Variants in EYA1 observed in about 807,000 individuals in gnomAD.
The protein encoded by EYA1 is EYA transcriptional coactivator and phosphatase 1.
EYA1 carries 16 observed loss-of-function variants against 82.0 expected under a neutral mutation model. The observed-to-expected ratio is 0.20, with a 90% CI of 0.13 to 0.30. The LOEUF (loss-of-function observed/expected upper bound fraction) is 0.30. Among genes scored for constraint, EYA1 ranks in the 10% least tolerant of loss-of-function variants. The pLI is 1.00. For synonymous variants in EYA1, 261 were observed against 264.4 expected (o/e 0.99, Z 0.12); for missense variants, 633 against 730.7 (o/e 0.87, Z 1.54).
chr8:71,277,476 A>T (rs1218442157), intron 9 of EYA1, among the ~76,000 whole-genome samples: 1 of 151,918 alleles, frequency 6.6e-6, no homozygotes, highest in Non-Finnish European at 1.5e-5. Context: ...TCAACTCCTT[A>T]CCCTCTCCGC....
chr8:71,339,695 G>A (rs1824905913), intron 3 of EYA1, among the ~76,000 whole-genome samples: 1 of 152,116 alleles, frequency 6.6e-6, no homozygotes, highest in African/African-American at 2.4e-5. Flanking sequence ...CTTTCCTTGA[G>A]CAGGGTTTAA....
At chr8:71,401,637 C>A (rs1829963754) in intron 2 of EYA1, among the ~76,000 whole-genome samples, 1 of 152,274 alleles carries the variant, frequency 6.6e-6, no homozygotes, top group South Asian at 2.1e-4. Flanking sequence ...GTTTACTCAA[C>A]CTCTCCATTG....
chr8:71,340,984 T>C (rs761691150), intron 3 of EYA1, among the ~76,000 whole-genome samples: 1 of 152,208 alleles, frequency 6.6e-6, no homozygotes, highest in Non-Finnish European at 1.5e-5. Flanking sequence ...GTTTATTCCC[T>C]CCAAATCATC....
At chr8:71,374,003 T>C (rs1828226429) in intron 2 of EYA1, among the ~76,000 whole-genome samples, 1 of 151,964 alleles carries the variant, frequency 6.6e-6, no homozygotes, top group Non-Finnish European at 1.5e-5. Context: ...GGATTAAAGA[T>C]CTAAATGTAA....
intron 2 of EYA1, among the ~76,000 whole-genome samples, chr8:71,412,947 G>C (rs564456889): frequency 6.6e-6 from 1 of 152,158 alleles, no homozygotes; most frequent in Admixed American, 6.6e-5. Context: ...AGCTGTGCTA[G>C]GATAGGGAGT....
At chr8:71,544,104 G>T (rs1815363876) in intron 1 of EYA1, among the ~76,000 whole-genome samples, 1 of 152,122 alleles carries the variant, frequency 6.6e-6, no homozygotes, top group African/African-American at 2.4e-5. Context: ...CAGAAAAGAG[G>T]CACTGACTCA....
At chr8:71,487,456 A>G (rs1010565960) in intron 2 of EYA1, among the ~76,000 whole-genome samples, 2 of 152,112 alleles carry the variant, frequency 1.3e-5, no homozygotes, top group African/African-American at 4.8e-5. Context: ...CATATTTTCT[A>G]CCTGTATCCA....
chr8:71,375,134 T>C (rs1459705817), intron 2 of EYA1, among the ~76,000 whole-genome samples: 2 of 152,130 alleles, frequency 1.3e-5, no homozygotes, highest in African/African-American at 4.8e-5. Flanking sequence ...GCAGAGTACA[T>C]TTTAGATACT....
intron 12 of EYA1, among the ~76,000 whole-genome samples, chr8:71,227,532 T>C (rs1426196000): frequency 6.6e-6 from 1 of 152,222 alleles, no homozygotes; most frequent in Non-Finnish European, 1.5e-5. Context: ...CTTTTAACTT[T>C]CATGGCCATT....
At chr8:71,535,489 T>C (rs75510944) in intron 2 of EYA1, among the ~76,000 whole-genome samples, 1,913 of 152,282 alleles carry the variant, frequency 0.013, 45 homozygotes, top group African/African-American at 0.043. Context: ...ATTGGGATAA[T>C]TACATAATAC....
At chr8:71,494,482 A>T (rs1811265487) in intron 2 of EYA1, among the ~76,000 whole-genome samples, 1 of 152,212 alleles carries the variant, frequency 6.6e-6, no homozygotes, top group Admixed American at 6.5e-5. Flanking sequence ...TTACTTATGC[A>T]TTCATATTAC....
chr8:71,396,882 G>C (rs528346857), intron 2 of EYA1, among the ~76,000 whole-genome samples: 7 of 152,294 alleles, frequency 4.6e-5, no homozygotes, highest in African/African-American at 1.7e-4. Flanking sequence ...AATGTTGACA[G>C]TGTGGTGTCA....
chr8:71,226,320 T>C (rs1293839302), intron 12 of EYA1, among the ~76,000 whole-genome samples: 1 of 152,024 alleles, frequency 6.6e-6, no homozygotes, highest in Non-Finnish European at 1.5e-5. Flanking sequence ...ATCCCAAAGG[T>C]ATCACATGAA....
chr8:71,359,690 T>C (rs1347806234), intron 1 of EYA1, among the ~76,000 whole-genome samples: 2 of 152,194 alleles, frequency 1.3e-5, no homozygotes, highest in Non-Finnish European at 2.9e-5. Context: ...CATAGGCTTT[T>C]TTTGCTTGCT....
chr8:71,476,381 T>C (rs1300696149), intron 2 of EYA1, among the ~76,000 whole-genome samples: 1 of 152,140 alleles, frequency 6.6e-6, no homozygotes, highest in Non-Finnish European at 1.5e-5. Flanking sequence ...GCATCATAGA[T>C]GTATTTATTT....
At chr8:71,353,805 T>A (rs968401472) in intron 3 of EYA1, among the ~76,000 whole-genome samples, 7 of 152,190 alleles carry the variant, frequency 4.6e-5, no homozygotes, top group Non-Finnish European at 7.4e-5. Context: ...TGGGAAATGA[T>A]GGTTAAGAGT....
chr8:71,538,786 G>C (rs967154668), intron 1 of EYA1, among the ~76,000 whole-genome samples: 2 of 152,204 alleles, frequency 1.3e-5, no homozygotes, highest in African/African-American at 4.8e-5. Flanking sequence ...TGGAGGATTA[G>C]TGGAATGACA....
chr8:71,537,948 T>A (rs1187296278), intron 1 of EYA1, among the ~76,000 whole-genome samples: 1 of 152,230 alleles, frequency 6.6e-6, no homozygotes, highest in Non-Finnish European at 1.5e-5. Flanking sequence ...GACAGATTAT[T>A]GAGAAGTCAA....
chr8:71,516,714 A>G (rs75614629), intron 2 of EYA1, among the ~76,000 whole-genome samples: 3,086 of 152,236 alleles, frequency 0.02, 102 homozygotes, highest in African/African-American at 0.069. Context: ...GGTTAGTATT[A>G]GAGGATGAAT....
Sources: gnomAD v4.1 joint callset for allele counts (sites outside exome capture counted in the v4.1 genomes callset) on GRCh38, gnomAD v4.1.1 for gene constraint, MANE v1.5 for transcripts, NCBI Gene and HGNC (gene_info 2026-07-23, HGNC 2026-07-21) for gene names.